Variants in SHC4 observed in about 807,000 individuals in gnomAD.
SHC4 encodes SHC-transforming protein 4.
In SHC4, 41 loss-of-function variants were observed where a neutral mutation model predicts 69.4. The observed-to-expected ratio is 0.59, with a 90% CI of 0.46 to 0.77. The LOEUF (loss-of-function observed/expected upper bound fraction) is 0.77, where lower values mean the gene tolerates loss of function less well. Ranked by LOEUF, SHC4 falls within the 30% of genes least tolerant of loss-of-function variation. SHC4 has a pLI of 0.00. For synonymous variants in SHC4, 318 were observed against 299.3 expected (o/e 1.06, Z -0.64); for missense variants, 777 against 783.8 (o/e 0.99, Z 0.10).
chr15:48,824,578 C>G lies in SHC4; in HGVS notation c.*1393G>C, dbSNP rs563940686. On this transcript the variant is annotated 3_prime_UTR_variant, in exon 12 of 12. Coordinates refer to ENST00000332408, the MANE Select transcript of SHC4 (RefSeq NM_203349.4). ...GTCTAAACTATGTGAATGTTGATCT[C>G]AGGTGTGCCATTCATTCTGTGAGTA... The G allele has an allele frequency of 6.6e-6, 1 of 152,310 alleles. No homozygotes were observed. Among genetic ancestry groups the G allele is most frequent in the Non-Finnish European group, 1.5e-5 (1 of 68,026 alleles). 9.4% of individuals were successfully genotyped at this position (152,310 alleles called of 1,614,324 possible).
chr15:48,863,521 A>G (rs900713393), intron 6 of SHC4, among the ~76,000 whole-genome samples: 3 of 152,228 alleles, frequency 2.0e-5, no homozygotes, highest in African/African-American at 7.2e-5. Flanking sequence ...AAAATGATCT[A>G]TATTGCTTAA....
intron 2 of SHC4, among the ~76,000 whole-genome samples, chr15:48,896,407 G>A (rs941861346): frequency 6.0e-5 from 9 of 150,418 alleles, no homozygotes; most frequent in East Asian, 2.0e-4. Flanking sequence ...TGCAACCTCC[G>A]CCTCTAGGGT....
Position 48,963,192 on chromosome 15 carries a change from G to C in SHC4, c.-177C>G, listed in dbSNP as rs1307324113. 11 of 618,000 alleles carry C rather than the reference G, an allele frequency of 1.8e-5. No individual in the cohort carries two copies. Among genetic ancestry groups the C allele is most frequent in the Non-Finnish European group, 3.0e-5 (11 of 362,510 alleles). 38.3% of individuals were successfully genotyped at this position (618,000 alleles called of 1,614,324 possible). A position where few individuals can be genotyped will look rare whatever the true frequency, so the allele number is the denominator to read the frequency against. On this transcript the variant is annotated 5_prime_UTR_variant, in exon 1 of 12. Coordinates refer to ENST00000332408, the MANE Select transcript of SHC4 (RefSeq NM_203349.4). ...CGGCCCCTTAAGGGTGACAGCCCAT[G>C]GGGGAAACGCCTCCCCTGCTCTGAT... is the stretch of plus-strand genomic sequence containing the variant.
chr15:48,842,052 C>T (rs1899002149), intron 10 of SHC4, among the ~76,000 whole-genome samples: 1 of 152,190 alleles, frequency 6.6e-6, no homozygotes, highest in South Asian at 2.1e-4. Context: ...TTGGAGCAAA[C>T]CAAATTTGAC....
chr15:48,865,479 A>G (rs1399128877), intron 6 of SHC4, among the ~76,000 whole-genome samples: 2 of 152,234 alleles, frequency 1.3e-5, no homozygotes, highest in Non-Finnish European at 2.9e-5. Flanking sequence ...TATAGGAAAG[A>G]AAGATGTAAT....
chr15:48,843,350 T>G, intron 10 of SHC4, 59 bp downstream of exon 10: 2 of 1,460,028 alleles, frequency 1.4e-6, no homozygotes, highest in Non-Finnish European at 1.9e-6. Context: ...AATTTCTGTT[T>G]GTGGTAATTT....
Position 48,962,494 on chromosome 15 carries a change from C to G in SHC4, c.522G>C (p.Arg174Ser), listed in dbSNP as rs140655781. Residue 174 changes from arginine (R) to serine (S), a missense_variant, in exon 1 of 12, where the codon AGG becomes AGC. Physicochemically the swap from Arg to Ser is moderately radical, Grantham distance 110. Coordinates refer to ENST00000332408, the MANE Select transcript of SHC4 (RefSeq NM_203349.4). Reference protein sequence around the residue: ...PLPGPGEPTLRSRQDRHFLQH... With the variant: ...PLPGPGEPTLSSRQDRHFLQH... ...GTAGAAAGTGCCTGTCCTGCCTGCT[C>G]CTAAGTGTTGGCTCCCCAGGGCCAG... 7 of 1,560,412 alleles carry G rather than the reference C, an allele frequency of 4.5e-6. No homozygotes were observed. Among genetic ancestry groups the G allele is most frequent in the Non-Finnish European group, 6.1e-6 (7 of 1,154,464 alleles).
chr15:48,933,111 A>G (rs1901000642), intron 1 of SHC4, among the ~76,000 whole-genome samples: 1 of 152,216 alleles, frequency 6.6e-6, no homozygotes, highest in Non-Finnish European at 1.5e-5. Context: ...ATAAGAAAGT[A>G]GCTAGATTAG....
In SHC4 at chr15:48,898,598, C is replaced by T. The variant is rs143965978; in HGVS notation, c.657-7787G>A. ...AGGAAATGGGTTTGTCTGTCTACTT[C>T]GTGATTCTGCCCTTTGGCTCTGATG... is the stretch of plus-strand genomic sequence containing the variant. On this transcript the variant is annotated intron_variant, in intron 2 of 11. Transcript: ENST00000332408. 2.4e-3 allele frequency among the ~76,000 whole-genome samples: 362 copies of T among 152,358 alleles called. 2 individuals are homozygous for T. Among genetic ancestry groups the T allele is most frequent in the African/African-American group, 8.3e-3 (347 of 41,584 alleles).
At chr15:48,876,533 T>C (rs540351836) in intron 4 of SHC4, 1 of 631,954 alleles carries the variant, frequency 1.6e-6, no homozygotes, top group East Asian at 2.8e-5. Context: ...GGGAGTTCAC[T>C]AAGTATTAAC....
At chr15:48,909,389 A>G (rs2141015869) in intron 2 of SHC4, among the ~76,000 whole-genome samples, 1 of 152,120 alleles carries the variant, frequency 6.6e-6, no homozygotes, top group Middle Eastern at 3.4e-3. Flanking sequence ...CTGTGAATAC[A>G]TTAATCTTGT....
intron 1 of SHC4, among the ~76,000 whole-genome samples, chr15:48,934,363 T>G (rs988085649): frequency 1.3e-5 from 2 of 152,162 alleles, no homozygotes. Context: ...CATTGGGAAA[T>G]GCAAATCAAA....
At chr15:48,829,962 C>T (rs1400508161) in intron 11 of SHC4, among the ~76,000 whole-genome samples, 1 of 152,056 alleles carries the variant, frequency 6.6e-6, no homozygotes, top group Non-Finnish European at 1.5e-5. Flanking sequence ...TTATAGATAG[C>T]ATGTAGTTGG....
At chr15:48,828,928 A>T (rs559579505) in intron 11 of SHC4, among the ~76,000 whole-genome samples, 1 of 152,296 alleles carries the variant, frequency 6.6e-6, no homozygotes, top group Non-Finnish European at 1.5e-5. Context: ...TCCTTATCAG[A>T]TACATTGTTT....
chr15:48,890,512 T>C (rs1184349640), intron 3 of SHC4, among the ~76,000 whole-genome samples: 1 of 152,150 alleles, frequency 6.6e-6, no homozygotes, highest in African/African-American at 2.4e-5. Context: ...ATTTCTGACA[T>C]AAAGCCCAGG....
chr15:48,914,462 GCTATTATTAGCTA>G (rs1900579159), intron 2 of SHC4, among the ~76,000 whole-genome samples: 1 of 152,178 alleles, frequency 6.6e-6, no homozygotes, highest in South Asian at 2.1e-4. Flanking sequence ...ACAAACATTA[GCTATTATTAGCTA>G]CTCTTTCATC....
chr15:48,851,158 G>A (rs745726704), intron 9 of SHC4, 30 bp downstream of exon 9: 1 of 1,608,990 alleles, frequency 6.2e-7, no homozygotes, highest in Non-Finnish European at 8.5e-7. Flanking sequence ...AATAAGGAGG[G>A]TGGCAGATGG....
At chr15:48,878,201 G>A in intron 4 of SHC4, 3 of 1,572,320 alleles carry the variant, frequency 1.9e-6, no homozygotes, top group Non-Finnish European at 2.6e-6. Flanking sequence ...TGAGTTGTCC[G>A]AGCTGTATGA....
chr15:48,868,862 T>C (rs1899612404), intron 5 of SHC4, among the ~76,000 whole-genome samples: 1 of 152,210 alleles, frequency 6.6e-6, no homozygotes, highest in Non-Finnish European at 1.5e-5. Context: ...AGGTTTTAAA[T>C]ATCCTCTAAA....
Sources: allele counts gnomAD v4.1 joint callset (sites outside exome capture counted in the v4.1 genomes callset), GRCh38; gene constraint gnomAD v4.1.1; transcripts MANE v1.5; gene names NCBI Gene and HGNC (gene_info 2026-07-23, HGNC 2026-07-21).